Variants in BRD9 observed in about 807,000 individuals in gnomAD.
The protein encoded by BRD9 is bromodomain containing 9, also known as bromodomain-containing protein 9.
In BRD9, 47 loss-of-function variants were observed where a neutral mutation model predicts 68.7. The ratio of observed to expected loss-of-function variants is 0.68; its 90% CI spans 0.54 to 0.87. BRD9 has a LOEUF of 0.87. BRD9 is among the 40% of genes least tolerant of loss of function. The pLI is 0.00. For missense variants in BRD9, 670 were observed against 748.4 expected (o/e 0.90, Z 1.22); for synonymous variants, 313 against 293.9 (o/e 1.06, Z -0.67).
chr5:869,166 C>A, intron 14 of BRD9: 1 of 361,682 alleles, frequency 2.8e-6, no homozygotes, highest in Non-Finnish European at 5.4e-6. Context: ...TGAACGGATT[C>A]CCACTCTTGG....
chr5:883,182 C>T (rs1277029394), intron 8 of BRD9: 1 of 382,124 alleles, frequency 2.6e-6, no homozygotes, highest in Non-Finnish European at 5.2e-6. Flanking sequence ...CAGCAGACAC[C>T]TCTGAAATGC....
intron 7 of BRD9, among the ~76,000 whole-genome samples, chr5:885,247 G>T (rs111398665): frequency 5.0e-4 from 76 of 152,332 alleles, no homozygotes; most frequent in African/African-American, 1.6e-3. Flanking sequence ...CAACGCACGT[G>T]GGGAGACCGC....
chr5:881,896 A>C (rs1259999798), intron 8 of BRD9: 1 of 152,552 alleles, frequency 6.6e-6, no homozygotes, highest in Non-Finnish European at 1.5e-5. Context: ...AGATTAGGAG[A>C]CAAGTCCTCA....
chr5:882,954 ACCTCCCAACACACAAGCCACGCAG>A (rs1752005533), intron 8 of BRD9: 8 of 261,502 alleles, frequency 3.1e-5, no homozygotes, highest in Non-Finnish European at 5.0e-5. Context: ...GTGAACCACA[ACCTCCCAACACACAAGCCACGCAG>A]ACCACAACCT....
intron 8 of BRD9, chr5:882,112 A>C (rs1751857307): frequency 6.5e-6 from 1 of 153,016 alleles, no homozygotes; most frequent in Non-Finnish European, 1.5e-5. Context: ...CCCAGAACCC[A>C]GGTCCTGGCT....
At chr5:888,331 T>A (rs1422958300) in intron 5 of BRD9, 1 of 152,374 alleles carries the variant, frequency 6.6e-6, no homozygotes, top group Non-Finnish European at 1.5e-5. Flanking sequence ...AGGCGCTGCC[T>A]GATCCTCTCA....
chr5:881,291 A>G, intron 8 of BRD9, 109 bp from the exon 9 acceptor site: 1 of 1,058,524 alleles, frequency 9.4e-7, no homozygotes, highest in South Asian at 1.4e-5. Context: ...ACATTTGTCC[A>G]AGAACAAACG....
In BRD9 at chr5:878,477, G is replaced by C; in HGVS notation, c.1149C>G (p.Leu383=). ...TCGAAAGCGCAGTAGTGGCACTGGA[G>C]AGAAAGGTGACTGGGAGGAAGAGGA... ...KDERRNKVTF[L]SSATTALSMQ... is the part of the protein sequence containing the mutation. Residue 383 remains leucine (L), a synonymous_variant, in exon 11 of 16, where the codon CTC becomes CTG. Coordinates refer to ENST00000467963, the MANE Select transcript of BRD9 (RefSeq NM_023924.5). 2 of 1,614,192 alleles carry C rather than the reference G, an allele frequency of 1.2e-6. No individual in the cohort carries two copies. The highest frequency in any genetic ancestry group is 1.7e-5 in the Admixed American group (1 of 60,038).
At chr5:888,083 G>A (rs1467364412) in intron 5 of BRD9, among the ~76,000 whole-genome samples, 4 of 152,174 alleles carry the variant, frequency 2.6e-5, no homozygotes, top group African/African-American at 7.2e-5. Flanking sequence ...CCCGGAGGCC[G>A]GCCACCCTAA....
intron 11 of BRD9, 70 bp from the exon 12 acceptor site, chr5:876,282 C>G (rs1750913356): frequency 8.2e-7 from 1 of 1,217,100 alleles, no homozygotes; most frequent in African/African-American, 1.5e-5. Context: ...CAGCCCTGAT[C>G]ACAGAAGCCT....
chr5:868,504 G>C (rs1271699477), intron 14 of BRD9: 2 of 152,268 alleles, frequency 1.3e-5, no homozygotes, highest in African/African-American at 4.8e-5. Flanking sequence ...TGGCATCTGG[G>C]GTCCCCCCCA....
At position 892,783 on chromosome 5, in the gene BRD9, G is replaced by C; in HGVS notation, c.-126C>G. ...TCGCTGCGCCGAGGTTGCCGAGCTC[G>C]CTGGGCCGCGCCGGAAACGGGGCGA... is the stretch of plus-strand genomic sequence containing the variant. On this transcript the variant is annotated 5_prime_UTR_variant, in exon 1 of 16. Coordinates refer to ENST00000467963, the MANE Select transcript of BRD9 (RefSeq NM_023924.5). 9.4e-7 allele frequency: 1 copy of C among 1,068,006 alleles called. No homozygotes were observed. The highest frequency in any genetic ancestry group is 1.2e-6 in the Non-Finnish European group (1 of 842,548). The allele number at this position is 1,068,006 out of a possible 1,614,324, so 66.2% of individuals were successfully genotyped here.
In BRD9 at chr5:884,088, C is replaced by T. The variant is rs1752204718; in HGVS notation, c.834-18G>A. The T allele has an allele frequency of 6.2e-7, 1 of 1,610,272 alleles. No individual in the cohort carries two copies. Among genetic ancestry groups the T allele is most frequent in the South Asian group, 1.1e-5 (1 of 91,046 alleles). On this transcript the variant is annotated intron_variant, in intron 7 of 15. Coordinates refer to ENST00000467963, the MANE Select transcript of BRD9 (RefSeq NM_023924.5). ...ACATGCAGCTGTGAGGTGGGGACAA[C>T]CAAGTCACCTGGAGGCAGCGTCCCC...
At chr5:891,593 C>T (rs1421154236) in intron 2 of BRD9, 47 bp downstream of exon 2, 1 of 1,538,456 alleles carries the variant, frequency 6.5e-7, no homozygotes, top group East Asian at 2.4e-5. Flanking sequence ...AGGCTCCCCA[C>T]GGGCTCCTCG....
chr5:891,636 T>C lies in BRD9; in HGVS notation c.267+4A>G. ...CGTCCGGGCCACCGCCGCTGCTCCT[T>C]TACCTTTCGCTTCCTTCTTTCCTCA... is the stretch of plus-strand genomic sequence containing the variant. On this transcript the variant is annotated splice_donor_region_variant and intron_variant, in intron 2 of 15. Coordinates refer to ENST00000467963, the MANE Select transcript of BRD9 (RefSeq NM_023924.5). The C allele has an allele frequency of 1.9e-6, 3 of 1,550,970 alleles. No homozygotes were observed. Among genetic ancestry groups the C allele is most frequent in the Non-Finnish European group, 2.6e-6 (3 of 1,146,958 alleles).
chr5:887,691 A>G (rs903984389), intron 5 of BRD9, among the ~76,000 whole-genome samples: 3 of 152,222 alleles, frequency 2.0e-5, no homozygotes, highest in African/African-American at 7.2e-5. Flanking sequence ...CAGTTGGCCA[A>G]GCCTGTAACT....
At chr5:865,919 AAC>A (rs1271756306) in intron 14 of BRD9, 5 of 222,496 alleles carry the variant, frequency 2.2e-5, no homozygotes. Flanking sequence ...TCCTGTCCTC[AAC>A]ACACAAAGGC....
intron 12 of BRD9, among the ~76,000 whole-genome samples, chr5:875,135 C>T (rs1413122218): frequency 6.6e-6 from 1 of 152,228 alleles, no homozygotes; most frequent in Non-Finnish European, 1.5e-5. Flanking sequence ...GGCCAGATCC[C>T]GTCCTGCCGA....
At chr5:876,261 G>A (rs1386788786) in intron 11 of BRD9, 49 bp from the exon 12 acceptor site, 2 of 1,434,734 alleles carry the variant, frequency 1.4e-6, no homozygotes, top group Non-Finnish European at 9.7e-7. Flanking sequence ...CTTGTCGCCT[G>A]GCCCTCGCGG....
Sources: allele counts gnomAD v4.1 joint callset (sites outside exome capture counted in the v4.1 genomes callset), GRCh38; gene constraint gnomAD v4.1.1; transcripts MANE v1.5; gene names NCBI Gene and HGNC (gene_info 2026-07-23, HGNC 2026-07-21).